The following NUP62 variants were observed in gnomAD, a reference collection of about 807,000 sequenced individuals.
NUP62 encodes nucleoporin 62.
For synonymous variants in NUP62, 305 were observed against 303.4 expected (o/e 1.01, Z -0.05); for missense variants, 647 against 689.4 (o/e 0.94, Z 0.69).
At chr19:49,927,610 A>G (rs2075933757) in intron 2 of NUP62, 84 bp downstream of exon 2, 1 of 152,228 alleles carries the variant, frequency 6.6e-6, no homozygotes, top group African/African-American at 2.4e-5. Context: ...GTGGACAGTA[A>G]GTGCTCTAAG....
At chr19:49,923,557 C>T (rs1004378628) in intron 2 of NUP62, among the ~76,000 whole-genome samples, 4 of 152,222 alleles carry the variant, frequency 2.6e-5, no homozygotes, top group South Asian at 2.1e-4. Context: ...CACACAGACC[C>T]GGGCTCTGGC....
chr19:49,924,784 C>T (rs2075845981), intron 2 of NUP62, among the ~76,000 whole-genome samples: 1 of 152,196 alleles, frequency 6.6e-6, no homozygotes, highest in African/African-American at 2.4e-5. Context: ...AACTGGCACC[C>T]ACTCACCCTG....
intron 2 of NUP62, among the ~76,000 whole-genome samples, chr19:49,923,663 C>G (rs1246809427): frequency 6.6e-6 from 1 of 152,258 alleles, no homozygotes; most frequent in Non-Finnish European, 1.5e-5. Context: ...ATGCCAGGCC[C>G]CACTCTAGGT....
In NUP62 at chr19:49,907,617, A is replaced by T. The variant is rs546317922; in HGVS notation, c.*622T>A. The stretch of plus-strand genomic sequence containing the variant: ...AGTGGTGTGATCTTGGTTCACTGCA[A>T]CACCTCCTGGGTTCAAGTGATTCTC... On this transcript the variant is annotated 3_prime_UTR_variant, in exon 3 of 3. Transcript: ENST00000352066. 6.5e-5 allele frequency: 26 copies of T among 400,262 alleles called. No individual in the cohort carries two copies. Among genetic ancestry groups the T allele is most frequent in the East Asian group, 5.9e-4 (8 of 13,596 alleles). 24.8% of individuals were successfully genotyped at this position (400,262 alleles called of 1,614,324 possible).
rs1264054787 is a variant in NUP62 at position 49,907,251 on chromosome 19, CAAG to C, written c.*985_*987del. ...AGGCTCAGGGTGCTACGGGGACCTG[CAAG>C]AAGGCCACCTGAGCTTCGGGTAGCT... On this transcript the variant is annotated 3_prime_UTR_variant, in exon 3 of 3. Transcript: ENST00000352066. 2.1e-5 allele frequency: 6 copies of C among 292,568 alleles called. No individual in the cohort carries two copies. Among genetic ancestry groups the C allele is most frequent in the Non-Finnish European group, 2.7e-5 (4 of 150,600 alleles). 18.1% of individuals were successfully genotyped at this position (292,568 alleles called of 1,614,324 possible).
chr19:49,908,337 T>C lies in NUP62; in HGVS notation c.1471A>G (p.Asn491Asp). The change falls in exon 3 of 3, where the codon AAC becomes GAC. Residue 491 changes from asparagine (N) to aspartate (D), a missense_variant. Transcript: ENST00000352066. ...HMDSLQWIDQNSALLQRKVEE... is the reference protein window; with the variant it reads ...HMDSLQWIDQDSALLQRKVEE... ...ACCTTCCTCTGCAGCAGGGCCGAGT[T>C]CTGGTCGATCCACTGCAGTGAGTCC... is the stretch of plus-strand genomic sequence containing the variant. 1.2e-6 allele frequency: 2 copies of C among 1,614,088 alleles called. No individual in the cohort carries two copies. Among genetic ancestry groups the C allele is most frequent in the Non-Finnish European group, 1.7e-6 (2 of 1,180,002 alleles).
At chr19:49,916,499 C>A (rs1438967933) in intron 2 of NUP62, among the ~76,000 whole-genome samples, 2 of 150,710 alleles carry the variant, frequency 1.3e-5, no homozygotes, top group Non-Finnish European at 3.0e-5. Context: ...TTAGGCCAGG[C>A]GCGGTGGCTC....
intron 2 of NUP62, among the ~76,000 whole-genome samples, chr19:49,912,581 T>C (rs1204906183): frequency 6.6e-6 from 1 of 151,512 alleles, no homozygotes. Context: ...AGTTTAGATA[T>C]GGCCAGGTGA....
chr19:49,925,792 G>A (rs2075872583), intron 2 of NUP62, among the ~76,000 whole-genome samples: 1 of 152,124 alleles, frequency 6.6e-6, no homozygotes, highest in South Asian at 2.1e-4. Flanking sequence ...TGACAAATGT[G>A]GCAAAGTAAT....
chr19:49,917,276 G>A (rs1331654247), intron 2 of NUP62, among the ~76,000 whole-genome samples: 2 of 152,216 alleles, frequency 1.3e-5, no homozygotes, highest in South Asian at 2.1e-4. Flanking sequence ...TTGCCCTCCC[G>A]TGGGAACCTC....
rs1381318322 is a variant in NUP62, at chr19:49,907,391, C to A, written c.*848G>T. 1 of 372,794 alleles carries A rather than the reference C, an allele frequency of 2.7e-6. No individual in the cohort carries two copies. 23.1% of individuals were successfully genotyped at this position (372,794 alleles called of 1,614,324 possible). The stretch of plus-strand genomic sequence containing the variant: ...TTCCTCAACACCCTGTGTGTGCAGG[C>A]CCCTCAGCTGACCTGTCTTCTGTGA... On this transcript the variant is annotated 3_prime_UTR_variant, in exon 3 of 3. Transcript: ENST00000352066.
At position 49,908,041 on chromosome 19, in the gene NUP62, G is replaced by T; in HGVS notation, c.*198C>A. ...AAGCCACAGAAGCCACACCCATGAGGCTGCTGCCTGGGCAGAAGGCCCAGA... is the reference window on the plus strand; with the variant it reads ...AAGCCACAGAAGCCACACCCATGAGTCTGCTGCCTGGGCAGAAGGCCCAGA... On this transcript the variant is annotated 3_prime_UTR_variant, in exon 3 of 3. Transcript: ENST00000352066. The T allele has an allele frequency of 8.3e-7, 1 of 1,206,604 alleles. No individual in the cohort carries two copies. Among genetic ancestry groups the T allele is most frequent in the Non-Finnish European group, 1.1e-6 (1 of 891,042 alleles). 74.7% of individuals were successfully genotyped at this position (1,206,604 alleles called of 1,614,324 possible).
chr19:49,925,944 C>A (rs1158770286), intron 2 of NUP62, among the ~76,000 whole-genome samples: 1 of 152,118 alleles, frequency 6.6e-6, no homozygotes, highest in Non-Finnish European at 1.5e-5. Context: ...GGTACGGTGG[C>A]TCACACCTGT....
chr19:49,928,495 C>A lies in NUP62; in HGVS notation c.-199-680G>T, dbSNP rs1340623661. On this transcript the variant is annotated intron_variant, in intron 1 of 2. Coordinates refer to ENST00000352066, the MANE Select transcript of NUP62 (RefSeq NM_016553.5). The stretch of plus-strand genomic sequence containing the variant: ...TCGCGCCACTGCACTCCAGCCTGGG[C>A]GACAGAGACGGAGAGACTCCGTCTC... 7 of 142,688 alleles carry A rather than the reference C, an allele frequency of 4.9e-5. No homozygotes were observed. The Admixed American group carries it at 5.2e-4, about 11-fold the overall frequency. The allele number at this position is 142,688 out of a possible 1,614,324, so 8.8% of individuals were successfully genotyped here.
Position 49,921,015 on chromosome 19 carries a change from T to G in NUP62, c.-78+6679A>C, listed in dbSNP as rs1024494523. Among the ~76,000 whole-genome samples the G allele has an allele frequency of 1.3e-5, 2 of 152,098 alleles. No individual in the cohort carries two copies. The highest frequency in any genetic ancestry group is 2.9e-5 in the Non-Finnish European group (2 of 68,002). ...GAACCAGGTGAAGGCAGCCAGAAGA[T>G]GGGGGCAGGGTGGCTTTCATTATGA... On this transcript the variant is annotated intron_variant, in intron 2 of 2. Coordinates refer to ENST00000352066, the MANE Select transcript of NUP62 (RefSeq NM_016553.5). The surrounding 1 kb of genome is among the most constrained non-coding windows in gnomAD (Gnocchi z 5.4).
In NUP62 at chr19:49,914,726, G is replaced by GTTTTTTTTTTTTTTTTTTTTTTTT. The variant is rs530372497; in HGVS notation, c.-77-4866_-77-4843dup. On this transcript the variant is annotated intron_variant, in intron 2 of 2. Transcript: ENST00000352066. ...GATTCTTGTGCCACTCCAAGTCCCA[G>GTTTTTTTTTTTTTTTTTTTTTTTT]TTTTTTTTTTTTTTTTTTTTTTTTT... is the stretch of plus-strand genomic sequence containing the variant. 3.5e-5 allele frequency among the ~76,000 whole-genome samples: 2 copies of GTTTTTTTTTTTTTTTTTTTTTTTT among 56,362 alleles called. 1 individual carries two copies. Among genetic ancestry groups the GTTTTTTTTTTTTTTTTTTTTTTTT allele is most frequent in the African/African-American group, 1.3e-4 (2 of 15,424 alleles). The allele number at this position is 56,362 out of a possible 152,430, so 37.0% of individuals were successfully genotyped here.
At position 49,909,904 on chromosome 19, in the gene NUP62, A is replaced by G. The variant is rs2075419912; in HGVS notation, c.-77-20T>C. On this transcript the variant is annotated intron_variant, in intron 2 of 2. Transcript: ENST00000352066. ...AGATTTCTAAAGCAGAGGAAGTGAC[A>G]TTGTCAGATGGCAGTTTTGGAAAGG... 7.4e-7 allele frequency: 1 copy of G among 1,354,686 alleles called. No homozygotes were observed. The highest frequency in any genetic ancestry group is 1.9e-5 in the Admixed American group (1 of 52,720). 83.9% of individuals were successfully genotyped at this position (1,354,686 alleles called of 1,614,324 possible).
At chr19:49,916,360 T>A (rs952403284) in intron 2 of NUP62, among the ~76,000 whole-genome samples, 1 of 151,086 alleles carries the variant, frequency 6.6e-6, no homozygotes, top group Non-Finnish European at 1.5e-5. Flanking sequence ...TTGTATTTTT[T>A]TTTTTTTTTT....
At chr19:49,914,679 C>A (rs10402608) in intron 2 of NUP62, among the ~76,000 whole-genome samples, 1 of 146,132 alleles carries the variant, frequency 6.8e-6, no homozygotes, top group Non-Finnish European at 1.5e-5. Context: ...TCGGTCAGCT[C>A]TACTACCTTA....
Sources: allele counts gnomAD v4.1 joint callset (sites outside exome capture counted in the v4.1 genomes callset), GRCh38; gene constraint gnomAD v4.1.1; non-coding constraint Gnocchi (gnomAD v3.1); transcripts MANE v1.5; gene names NCBI Gene and HGNC (gene_info 2026-07-23, HGNC 2026-07-21).